Variants in TENM2 observed in about 807,000 individuals in gnomAD.
TENM2 encodes the protein teneurin-2.
Under a neutral mutation model 245.2 loss-of-function variants are expected in TENM2, and 52 were observed. That is an observed-to-expected ratio of 0.21 (90% CI 0.17 to 0.27). The LOEUF is 0.27. Among genes scored for constraint, TENM2 ranks in the 10% least tolerant of loss-of-function variants. The probability of loss-of-function intolerance (pLI) is 1.00; values close to 1 mark genes in which losing one functional copy is unlikely to be tolerated. For missense variants in TENM2, 3,046 were observed against 3,666.8 expected, an observed-to-expected ratio of 0.83 and a Z score of 4.37; for synonymous variants, 1,363 against 1,438.9, an observed-to-expected ratio of 0.95 and a Z score of 1.19.
intron 24 of TENM2, among the ~76,000 whole-genome samples, chr5:168,227,596 G>C (rs1275043533): frequency 1.3e-5 from 2 of 151,340 alleles, no homozygotes; most frequent in African/African-American, 4.9e-5. Context: ...AATTGTGTAG[G>C]CAATAGACAT....
At chr5:167,264,523 A>G in the TENM2 span, among the ~76,000 whole-genome samples, 1 of 152,206 alleles carries the variant, frequency 6.6e-6, no homozygotes, top group African/African-American at 2.4e-5. Flanking sequence ...CTGTTTTCCC[A>G]TGGAGATTGT....
chr5:167,916,974 G>A (rs1204761115), intron 3 of TENM2, among the ~76,000 whole-genome samples: 2 of 152,168 alleles, frequency 1.3e-5, no homozygotes, highest in African/African-American at 4.8e-5. Flanking sequence ...TGCAATGGGA[G>A]GTATGTAACC....
chr5:167,175,075 C>T, the TENM2 span, among the ~76,000 whole-genome samples: 1 of 151,972 alleles, frequency 6.6e-6, no homozygotes. Flanking sequence ...TCCATTTATC[C>T]ATTTACAGGC....
chr5:167,854,811 C>T (rs2973658), intron 2 of TENM2, among the ~76,000 whole-genome samples: 22,751 of 152,020 alleles, frequency 0.15, 1,780 homozygotes, highest in Middle Eastern at 0.21. Context: ...CACATTAACC[C>T]ATCAGTCAAA....
intron 2 of TENM2, among the ~76,000 whole-genome samples, chr5:167,445,280 C>T (rs1765092857): frequency 6.9e-6 from 1 of 144,382 alleles, no homozygotes; most frequent in Non-Finnish European, 1.5e-5. Flanking sequence ...AAGATACTTA[C>T]TATATGTCAG....
intron 2 of TENM2, among the ~76,000 whole-genome samples, chr5:167,421,163 T>C (rs910118334): frequency 1.3e-5 from 2 of 152,214 alleles, no homozygotes; most frequent in Non-Finnish European, 1.5e-5. Flanking sequence ...TAACCTCATA[T>C]GGAACAAAAC....
At chr5:167,975,169 A>C (rs2617984) in intron 4 of TENM2, among the ~76,000 whole-genome samples, 1 of 152,214 alleles carries the variant, frequency 6.6e-6, no homozygotes, top group African/African-American at 2.4e-5. Context: ...CTGTATCTGC[A>C]TCAATACTTC....
chr5:167,250,866 A>G, the TENM2 span, among the ~76,000 whole-genome samples: 1 of 152,142 alleles, frequency 6.6e-6, no homozygotes, highest in Non-Finnish European at 1.5e-5. Flanking sequence ...CATGGATGTA[A>G]ATGTCAATGT....
chr5:167,976,755 A>G (rs965095563), intron 4 of TENM2, among the ~76,000 whole-genome samples: 2 of 152,226 alleles, frequency 1.3e-5, no homozygotes, highest in Non-Finnish European at 2.9e-5. Context: ...TGTTTATAAT[A>G]CAGTGCTTAG....
At chr5:168,223,298 C>G (rs1763831778) in intron 23 of TENM2, among the ~76,000 whole-genome samples, 1 of 152,114 alleles carries the variant, frequency 6.6e-6, no homozygotes, top group Non-Finnish European at 1.5e-5. Flanking sequence ...GAATTAAAAT[C>G]CTTGCCCTGG....
chr5:167,715,975 C>T (rs1312242631), intron 2 of TENM2, among the ~76,000 whole-genome samples: 4 of 152,164 alleles, frequency 2.6e-5, no homozygotes, highest in African/African-American at 9.7e-5. Flanking sequence ...CAATTAGGCA[C>T]ACTTTATTTG....
chr5:168,135,888 T>C (rs796213754), intron 12 of TENM2, among the ~76,000 whole-genome samples: 4 of 152,244 alleles, frequency 2.6e-5, no homozygotes, highest in African/African-American at 9.6e-5. Flanking sequence ...GTTTTGGGTT[T>C]TGGGCAGGGG....
At chr5:168,046,260 A>G (rs1237744927) in intron 5 of TENM2, among the ~76,000 whole-genome samples, 1 of 152,162 alleles carries the variant, frequency 6.6e-6, no homozygotes, top group Non-Finnish European at 1.5e-5. Flanking sequence ...CCTGCAGATA[A>G]TTGTTTCTCC....
intron 3 of TENM2, among the ~76,000 whole-genome samples, chr5:167,908,420 TCTCCTCTCTC>T (rs1776277140): frequency 1.2e-5 from 1 of 83,334 alleles, no homozygotes; most frequent in Non-Finnish European, 2.4e-5. Flanking sequence ...TACCCTCTCT[TCTCCTCTCTC>T]CTCCTCTCCC....
intron 23 of TENM2, among the ~76,000 whole-genome samples, chr5:168,221,462 A>G (rs1763665029): frequency 6.6e-6 from 1 of 152,206 alleles, no homozygotes; most frequent in Non-Finnish European, 1.5e-5. Context: ...TGCATTGCAC[A>G]CTAGCGTTGT....
chr5:168,223,470 CT>C lies in TENM2; in HGVS notation c.5109-2602del, dbSNP rs34029248. ...TGAAAGTATTGATTACAAGTAATTTCTTTTTTTTTTTTTTTTGAGACGGAGT... is the reference window on the plus strand; with the variant it reads ...TGAAAGTATTGATTACAAGTAATTTCTTTTTTTTTTTTTTTGAGACGGAGT... On this transcript the variant is annotated intron_variant, in intron 23 of 28. Coordinates refer to ENST00000518659, the Ensembl canonical transcript of TENM2. Among the ~76,000 whole-genome samples, 279 of 136,970 alleles carry C rather than the reference CT, an allele frequency of 2.0e-3. 1 individual carries two copies. Among genetic ancestry groups the C allele is most frequent in the East Asian group, 8.0e-3 (38 of 4,756 alleles). The allele number at this position is 136,970 out of a possible 152,430, so 89.9% of individuals were successfully genotyped here. A position where few individuals can be genotyped will look rare whatever the true frequency, so the allele number is the denominator to read the frequency against.
intron 1 of TENM2, among the ~76,000 whole-genome samples, chr5:167,321,811 G>C (rs1561861190): frequency 3.3e-5 from 1 of 30,354 alleles, no homozygotes; most frequent in South Asian, 2.0e-3. Context: ...TGGGGGGGGG[G>C]GCGGGGGGGG....
intron 2 of TENM2, among the ~76,000 whole-genome samples, chr5:167,785,127 G>A (rs1054690566): frequency 6.6e-6 from 1 of 152,140 alleles, no homozygotes; most frequent in Non-Finnish European, 1.5e-5. Flanking sequence ...TACACAGTCT[G>A]CCAAGGCATG....
the TENM2 span, among the ~76,000 whole-genome samples, chr5:167,200,354 A>G: frequency 3.3e-5 from 5 of 151,918 alleles, no homozygotes; most frequent in Non-Finnish European, 7.4e-5. Context: ...TTTGCTTTTC[A>G]CTTAGCTCTT....
Sources: gnomAD v4.1 joint callset for allele counts (sites outside exome capture counted in the v4.1 genomes callset) on GRCh38, gnomAD v4.1.1 for gene constraint, MANE v1.5 for transcripts, NCBI Gene and HGNC (gene_info 2026-07-23, HGNC 2026-07-21) for gene names.